CNTN4: variants seen among roughly 807,000 people sequenced by gnomAD.
The protein encoded by CNTN4 is contactin 4, also known as contactin-4.
A neutral mutation model predicts 122.5 loss-of-function variants in CNTN4; 77 were observed. The ratio of observed to expected loss-of-function variants is 0.63; its 90% confidence interval spans 0.52 to 0.76. The LOEUF (loss-of-function observed/expected upper bound fraction) is 0.76, where lower values mean the gene tolerates loss of function less well. Among genes scored for constraint, CNTN4 ranks in the 30% least tolerant of loss-of-function variants. The probability of loss-of-function intolerance (pLI) is 0.00; values close to 1 mark genes in which losing one functional copy is unlikely to be tolerated. For synonymous variants in CNTN4, 512 were observed against 447.0 expected (o/e 1.15, Z -1.83); for missense variants, 1,256 against 1,259.1 (o/e 1.00, Z 0.04).
intron 2 of CNTN4, among the ~76,000 whole-genome samples, chr3:2,177,123 T>C (rs2036781735): frequency 6.6e-6 from 1 of 152,140 alleles, no homozygotes; most frequent in South Asian, 2.1e-4. Context: ...TACTAGACCG[T>C]GTATCCATTA....
intron 4 of CNTN4, among the ~76,000 whole-genome samples, chr3:2,712,128 T>A (rs1363830513): frequency 6.6e-6 from 1 of 152,202 alleles, no homozygotes; most frequent in African/African-American, 2.4e-5. Flanking sequence ...TATGGAAAGT[T>A]GTTATCAGTG....
chr3:2,781,739 T>G, intron 6 of CNTN4, among the ~76,000 whole-genome samples: 2 of 139,420 alleles, frequency 1.4e-5, no homozygotes, highest in African/African-American at 6.0e-5. Context: ...TTTTTTTTTT[T>G]TTTGAGACGG....
chr3:2,474,604 T>C (rs1045517371), intron 3 of CNTN4, among the ~76,000 whole-genome samples: 1 of 152,084 alleles, frequency 6.6e-6, no homozygotes, highest in African/African-American at 2.4e-5. Flanking sequence ...ATAATGATAA[T>C]AGGAAATGTA....
chr3:3,009,713 G>A (rs550534800), intron 14 of CNTN4, among the ~76,000 whole-genome samples: 3 of 152,170 alleles, frequency 2.0e-5, no homozygotes, highest in South Asian at 4.1e-4. Flanking sequence ...GATTACAGGC[G>A]TGAGCCACCG....
rs1281255689 is a variant in CNTN4 at position 2,819,565 on chromosome 3, G to A, written c.438G>A (p.Pro146=). 3.1e-6 allele frequency: 5 copies of A among 1,612,456 alleles called. No individual in the cohort carries two copies. The highest frequency in any genetic ancestry group is 2.2e-5 in the South Asian group (2 of 91,048). ...AAGGAATGGTGCTACTGTGTGGCCC[G>A]CCACCCCATTCTGGAGGTACATATA... ...RGQGMVLLCG[P]PPHSGELSYA... The change falls in exon 7 of 25, where the codon CCG becomes CCA. Residue 146 remains proline (P), a synonymous_variant. Transcript: ENST00000418658.
intron 4 of CNTN4, among the ~76,000 whole-genome samples, chr3:2,578,219 G>C (rs745592648): frequency 5.9e-5 from 9 of 152,188 alleles, no homozygotes; most frequent in Non-Finnish European, 1.0e-4. Context: ...TTGAGGCTCA[G>C]GAAGTCTCAT....
intron 6 of CNTN4, among the ~76,000 whole-genome samples, chr3:2,768,929 C>T (rs892855634): frequency 7.2e-5 from 11 of 152,250 alleles, no homozygotes; most frequent in African/African-American, 2.6e-4. Flanking sequence ...CATTAAGGGA[C>T]AGATCCGAGG....
chr3:2,887,160 A>T lies in CNTN4; in HGVS notation c.876A>T (p.Leu292Phe). The change falls in exon 10 of 25, where the codon TTA (leucine) becomes TTT (phenylalanine). Residue 292 changes from leucine (L) to phenylalanine (F), a missense_variant. Transcript: ENST00000418658. ...IPNFQQEDAGLYECVAENSRG... is the reference protein window; with the variant it reads ...IPNFQQEDAGFYECVAENSRG... The stretch of plus-strand genomic sequence containing the variant: ...ATTTTCAGCAGGAGGATGCTGGTTT[A>T]TATGAATGTGTAGCTGAAAATTCCA... The T allele has an allele frequency of 6.2e-7, 1 of 1,614,134 alleles. No individual in the cohort carries two copies. Among genetic ancestry groups the T allele is most frequent in the South Asian group, 1.1e-5 (1 of 91,086 alleles).
chr3:2,104,046 G>C (rs1005728945), intron 2 of CNTN4, among the ~76,000 whole-genome samples: 1 of 152,094 alleles, frequency 6.6e-6, no homozygotes, highest in Non-Finnish European at 1.5e-5. Flanking sequence ...ATTAGGTAAT[G>C]ATATGTATCT....
chr3:2,965,361 G>A (rs1316786442), intron 13 of CNTN4, among the ~76,000 whole-genome samples: 2 of 152,188 alleles, frequency 1.3e-5, no homozygotes, highest in Non-Finnish European at 2.9e-5. Context: ...GCAGTGTCTA[G>A]AAGCACTTTC....
chr3:2,366,636 AG>A (rs2045389936), intron 3 of CNTN4, among the ~76,000 whole-genome samples: 1 of 152,054 alleles, frequency 6.6e-6, no homozygotes, highest in African/African-American at 2.4e-5. Flanking sequence ...CTGAGGCAGG[AG>A]AATCACTTGA....
chr3:2,389,003 C>CA (rs1156767959), intron 3 of CNTN4, among the ~76,000 whole-genome samples: 2 of 150,198 alleles, frequency 1.3e-5, no homozygotes, highest in Non-Finnish European at 3.0e-5. Flanking sequence ...GCTAAAAATA[C>CA]AAAAAAAATT....
chr3:2,144,528 G>T (rs1313490979), intron 2 of CNTN4, among the ~76,000 whole-genome samples: 3 of 152,126 alleles, frequency 2.0e-5, no homozygotes, highest in Admixed American at 6.5e-5. Flanking sequence ...AGGGGTTCAG[G>T]GATGGGTGGC....
At chr3:2,654,436 A>G (rs1380044830) in intron 4 of CNTN4, among the ~76,000 whole-genome samples, 1 of 152,186 alleles carries the variant, frequency 6.6e-6, no homozygotes, top group Non-Finnish European at 1.5e-5. Context: ...CAGACATTTG[A>G]GTTTAATTAT....
chr3:2,643,525 A>T (rs543516802), intron 4 of CNTN4, among the ~76,000 whole-genome samples: 2 of 152,144 alleles, frequency 1.3e-5, no homozygotes, highest in Non-Finnish European at 2.9e-5. Context: ...GTGCATGTCC[A>T]TCTTCTGCAT....
chr3:2,831,586 C>G (rs1247166494), intron 7 of CNTN4, among the ~76,000 whole-genome samples: 1 of 152,218 alleles, frequency 6.6e-6, no homozygotes. Context: ...GAAACACACC[C>G]TCTTTTTCTC....
chr3:2,868,556 C>G lies in CNTN4; in HGVS notation c.652+1607C>G, dbSNP rs964994944. Among the ~76,000 whole-genome samples the G allele has an allele frequency of 7.9e-5, 12 of 152,206 alleles. 1 individual carries two copies. Among genetic ancestry groups the G allele is most frequent in the Non-Finnish European group, 1.6e-4 (11 of 68,046 alleles). On this transcript the variant is annotated intron_variant, in intron 8 of 24. Transcript: ENST00000418658. ...CTTCCAGAACAAAGTATTTTATATA[C>G]TAAGCAGCTCTGAAGAGAGGGTCTG...
chr3:2,194,105 A>G (rs985812978), intron 2 of CNTN4, among the ~76,000 whole-genome samples: 11 of 152,324 alleles, frequency 7.2e-5, no homozygotes, highest in African/African-American at 1.4e-4. Context: ...ATATCTAGAT[A>G]TAAGGTTCAT....
intron 2 of CNTN4, among the ~76,000 whole-genome samples, chr3:2,226,629 C>T (rs540608309): frequency 5.1e-4 from 78 of 152,182 alleles, no homozygotes; most frequent in Non-Finnish European, 7.6e-4. Flanking sequence ...TTCCACTGCA[C>T]CTTCATCATA....
Sources: gnomAD v4.1 joint callset for allele counts (sites outside exome capture counted in the v4.1 genomes callset) on GRCh38, gnomAD v4.1.1 for gene constraint, MANE v1.5 for transcripts, NCBI Gene and HGNC (gene_info 2026-07-23, HGNC 2026-07-21) for gene names.